Variants in KIFC3 observed in about 807,000 individuals in gnomAD.
KIFC3 encodes the protein kinesin family member C3, also known as kinesin-like protein KIFC3.
A neutral mutation model predicts 101.8 loss-of-function variants in KIFC3; 60 were observed. The ratio of observed to expected loss-of-function variants is 0.59; its 90% CI spans 0.48 to 0.73. The LOEUF (loss-of-function observed/expected upper bound fraction) is 0.73, where lower values mean the gene tolerates loss of function less well. KIFC3 is among the 30% of genes least tolerant of loss of function. The pLI is 0.00. For missense variants in KIFC3, 966 were observed against 1,137.1 expected (o/e 0.85, Z 2.16); for synonymous variants, 476 against 482.7 (o/e 0.99, Z 0.18).
chr16:57,792,669 G>C (rs1042155872), intron 3 of KIFC3, among the ~76,000 whole-genome samples: 8 of 151,680 alleles, frequency 5.3e-5, no homozygotes, highest in Admixed American at 3.9e-4. Context: ...CCAAGGCAGA[G>C]CCCACAAGTT....
Position 57,766,953 on chromosome 16 carries a change from G to C in KIFC3, c.1251C>G (p.Asn417Lys), listed in dbSNP as rs377710562. The C allele has an allele frequency of 1.1e-5, 18 of 1,613,200 alleles. No individual in the cohort carries two copies. The African/African-American group carries it at 2.0e-4, about 18-fold the overall frequency. Residue 417 changes from asparagine to lysine, a missense_variant, in exon 10 of 20, where the codon AAC becomes AAG. By Grantham distance (94) the Asn-to-Lys change is moderately conservative. Coordinates refer to ENST00000445690, the MANE Select transcript of KIFC3 (RefSeq NM_001130100.2). Reference sequence around the variant, plus strand: ...GGTACTTGCGCAGCAGCTCCTGGTTGTTGCTGTTGACCTCCTCGATGGCCT... The same window carrying C: ...GGTACTTGCGCAGCAGCTCCTGGTTCTTGCTGTTGACCTCCTCGATGGCCT... Reference protein sequence around the residue: ...IGQAIEEVNSNNQELLRKYRR... With the variant: ...IGQAIEEVNSKNQELLRKYRR...
chr16:57,841,591 C>T, intron 1 of KIFC3, among the ~76,000 whole-genome samples: 1 of 152,000 alleles, frequency 6.6e-6, no homozygotes, highest in Admixed American at 6.6e-5. Flanking sequence ...TGTTTGAAGC[C>T]GGGAGGTGGA....
chr16:57,767,606 G>A (rs1046862337), intron 9 of KIFC3, among the ~76,000 whole-genome samples: 4 of 152,102 alleles, frequency 2.6e-5, no homozygotes, highest in Non-Finnish European at 5.9e-5. Flanking sequence ...ATGATATAGT[G>A]TTTGCCTATA....
chr16:57,759,825 A>G lies in KIFC3; in HGVS notation c.2379T>C (p.Ala793=). The G allele has an allele frequency of 6.2e-7, 1 of 1,608,862 alleles. No homozygotes were observed. Among genetic ancestry groups the G allele is most frequent in the Middle Eastern group, 1.7e-4 (1 of 6,032 alleles). Residue 793 remains alanine, a synonymous_variant, in exon 18 of 20, where the codon GCT becomes GCC. Transcript: ENST00000445690. ...GTGCCGAGGGCTGTGGCGTCTGACA[A>G]GCCGGCTCCCACTGTGAGCAGGGAA... is the stretch of plus-strand genomic sequence containing the variant. ...SSQEHLEWEP[A]CQTPQPSARA... is the part of the protein sequence containing the mutation.
upstream of KIFC3, among the ~76,000 whole-genome samples, chr16:57,805,389 A>G (rs2149248838): frequency 6.6e-6 from 1 of 152,280 alleles, no homozygotes; most frequent in East Asian, 1.9e-4. Flanking sequence ...GGAGGCTGCC[A>G]ACTCTCCTGG....
intron 1 of KIFC3, chr16:57,816,332 T>C (rs2055223942): frequency 1.8e-6 from 2 of 1,111,414 alleles, no homozygotes; most frequent in Non-Finnish European, 2.4e-6. Flanking sequence ...CCCGTGTGTC[T>C]TCAGGATCCT....
chr16:57,795,142 C>A lies in KIFC3; in HGVS notation c.173-1G>T, dbSNP rs1555622141. Reference sequence around the variant, plus strand: ...CAGACTGGGGTATCTTTTCCACGCCCTGTCCCAGGACAGAGAGATAGGTGA... The same window carrying A: ...CAGACTGGGGTATCTTTTCCACGCCATGTCCCAGGACAGAGAGATAGGTGA... On this transcript the variant is annotated splice_acceptor_variant, in intron 2 of 19. Transcript: ENST00000445690. LOFTEE classifies it high-confidence loss of function. The A allele has an allele frequency of 6.2e-7, 1 of 1,610,216 alleles. No homozygotes were observed. The highest frequency in any genetic ancestry group is 2.2e-5 in the East Asian group (1 of 44,472).
chr16:57,823,661 T>C (rs2055397847), intron 1 of KIFC3, among the ~76,000 whole-genome samples: 1 of 152,138 alleles, frequency 6.6e-6, no homozygotes, highest in African/African-American at 2.4e-5. Flanking sequence ...GGTGCGGTCT[T>C]GGCTCACTGC....
chr16:57,771,754 C>A (rs984484115), intron 4 of KIFC3, 68 bp from the exon 5 acceptor site: 2 of 1,533,868 alleles, frequency 1.3e-6, no homozygotes, highest in African/African-American at 1.4e-5. Context: ...AAGAGAGGCC[C>A]GCGGAGATGG....
rs1020202558 is a variant in KIFC3 at position 57,781,938 on chromosome 16, T to C, written c.316-9650A>G. 1.2e-5 allele frequency: 12 copies of C among 985,260 alleles called. No homozygotes were observed. In the African/African-American group the frequency reaches 2.1e-4, roughly 17 times the overall value. The allele number at this position is 985,260 out of a possible 1,614,324, so 61.0% of individuals were successfully genotyped here. On this transcript the variant is annotated intron_variant, in intron 3 of 19. Transcript: ENST00000445690. ...CCCTTAACCATGGGGCCACACAGCC[T>C]TGCAGGAACAGCAGTGTGAGAAAGC... is the stretch of plus-strand genomic sequence containing the variant.
chr16:57,817,671 C>T (rs1410885170), intron 1 of KIFC3, among the ~76,000 whole-genome samples: 1 of 152,206 alleles, frequency 6.6e-6, no homozygotes, highest in African/African-American at 2.4e-5. Flanking sequence ...AAGGCCTACG[C>T]TAATCCAGTA....
intron 1 of KIFC3, among the ~76,000 whole-genome samples, chr16:57,823,976 C>T (rs2055408760): frequency 6.6e-6 from 1 of 152,160 alleles, no homozygotes; most frequent in African/African-American, 2.4e-5. Flanking sequence ...AGAATAAAGT[C>T]TGCAATTATG....
intron 1 of KIFC3, among the ~76,000 whole-genome samples, chr16:57,848,778 A>T (rs1485508883): frequency 5.3e-5 from 8 of 152,234 alleles, no homozygotes; most frequent in African/African-American, 1.9e-4. Flanking sequence ...GACTTAATGC[A>T]TGTGCCACCT....
intron 12 of KIFC3, among the ~76,000 whole-genome samples, chr16:57,763,780 G>A (rs1398471168): frequency 2.6e-5 from 4 of 152,132 alleles, no homozygotes; most frequent in Non-Finnish European, 4.4e-5. Flanking sequence ...CCCCAGGCCC[G>A]GCCCAAGGCA....
chr16:57,821,722 C>T (rs1018961269), intron 1 of KIFC3, among the ~76,000 whole-genome samples: 1 of 152,090 alleles, frequency 6.6e-6, no homozygotes, highest in Non-Finnish European at 1.5e-5. Context: ...GACAACACTT[C>T]GCTGACCTCA....
chr16:57,827,449 G>C (rs2055482216), intron 1 of KIFC3, among the ~76,000 whole-genome samples: 1 of 152,240 alleles, frequency 6.6e-6, no homozygotes, highest in Non-Finnish European at 1.5e-5. Context: ...ATCCGGAGCA[G>C]AGCCAGAGAG....
At chr16:57,758,982 C>T (rs2049463395) in intron 19 of KIFC3, 73 bp from the exon 20 acceptor site, 2 of 1,536,998 alleles carry the variant, frequency 1.3e-6, no homozygotes, top group Non-Finnish European at 1.8e-6. Flanking sequence ...CCACCGAGAG[C>T]AGGAGGGAAC....
In KIFC3 at chr16:57,802,384, C is replaced by A; in HGVS notation, c.-54G>T. On this transcript the variant is annotated 5_prime_UTR_variant, in exon 1 of 20. Transcript: ENST00000445690. The surrounding 1 kb of genome is among the most constrained non-coding windows in gnomAD (Gnocchi z 5.0). ...CCCCCACTCACCGGCCTGGCGGAGG[C>A]AGGATCCAGGCGTCGCCGCAGCGCC... The A allele has an allele frequency of 1.0e-6, 1 of 983,582 alleles. No homozygotes were observed. Among genetic ancestry groups the A allele is most frequent in the Non-Finnish European group, 1.2e-6 (1 of 829,266 alleles). The allele number at this position is 983,582 out of a possible 1,614,324, so 60.9% of individuals were successfully genotyped here. A position where few individuals can be genotyped will look rare whatever the true frequency, so the allele number is the denominator to read the frequency against.
chr16:57,764,198 T>C lies in KIFC3; in HGVS notation c.1562A>G (p.Asn521Ser), dbSNP rs143977742. Reference sequence around the variant, plus strand: ...CTGGCCGTACGCAAAGATGCAGACATTGAAGCCATCAATGCAAGAGGTGAC... The same window carrying C: ...CTGGCCGTACGCAAAGATGCAGACACTGAAGCCATCAATGCAAGAGGTGAC... ...ALVTSCIDGF[N>S]VCIFAYGQTG... is the part of the protein sequence containing the mutation. Residue 521 changes from asparagine to serine, a missense_variant, in exon 12 of 20, where the codon AAT (asparagine) becomes AGT (serine). Transcript: ENST00000445690. 1,281 of 1,612,974 alleles carry C rather than the reference T, an allele frequency of 7.9e-4. 1 individual carries two copies. Among genetic ancestry groups the C allele is most frequent in the Non-Finnish European group, 7.7e-4 (904 of 1,179,926 alleles).
Sources: allele counts gnomAD v4.1 joint callset (sites outside exome capture counted in the v4.1 genomes callset), GRCh38; gene constraint gnomAD v4.1.1; non-coding constraint Gnocchi (gnomAD v3.1); transcripts MANE v1.5; gene names NCBI Gene and HGNC (gene_info 2026-07-23, HGNC 2026-07-21).